MAP4K4: variants seen among roughly 807,000 people sequenced by gnomAD.
MAP4K4 encodes mitogen-activated protein kinase kinase kinase kinase 4, also known as HPK/GCK-like kinase HGK.
In MAP4K4, 38 loss-of-function variants were observed where a neutral mutation model predicts 189.6. The ratio of observed to expected loss-of-function variants is 0.20; its 90% CI spans 0.15 to 0.26. The LOEUF (loss-of-function observed/expected upper bound fraction) is 0.26. MAP4K4 is among the 10% of genes least tolerant of loss of function. MAP4K4 has a pLI of 1.00. For synonymous variants in MAP4K4, 610 were observed against 624.3 expected, an observed-to-expected ratio of 0.98 and a Z score of 0.34; for missense variants, 1,054 against 1,726.9, an observed-to-expected ratio of 0.61 and a Z score of 6.91.
chr2:101,709,773 A>T (rs1196113413), intron 2 of MAP4K4, among the ~76,000 whole-genome samples: 1 of 152,164 alleles, frequency 6.6e-6, no homozygotes, highest in Non-Finnish European at 1.5e-5. Flanking sequence ...GATGTATCCC[A>T]AGTTAAATAA....
chr2:101,865,549 G>A (rs180673357), intron 18 of MAP4K4, among the ~76,000 whole-genome samples: 15 of 152,300 alleles, frequency 9.8e-5, no homozygotes, highest in Non-Finnish European at 1.9e-4. Flanking sequence ...TTTAAGTTTA[G>A]TTAAAATGAA....
At chr2:101,712,622 C>T (rs552001306) in intron 2 of MAP4K4, among the ~76,000 whole-genome samples, 9 of 152,184 alleles carry the variant, frequency 5.9e-5, no homozygotes, top group African/African-American at 2.2e-4. Flanking sequence ...GCCTCAACCT[C>T]CTGAGTAGCT....
At chr2:101,881,505 T>C (rs1473247157) in intron 27 of MAP4K4, among the ~76,000 whole-genome samples, 1 of 152,222 alleles carries the variant, frequency 6.6e-6, no homozygotes, top group African/African-American at 2.4e-5. Flanking sequence ...CCAGTCCTTG[T>C]ACCTTTTATT....
In MAP4K4 at chr2:101,716,284, A is replaced by G. The variant is rs535224265; in HGVS notation, c.123+17746A>G. ...CGGTGAAACGCCGTCTCTACTAAAAATACAAAAAATTAGCCGGGCGTGGTG... is the reference window on the plus strand; with the variant it reads ...CGGTGAAACGCCGTCTCTACTAAAAGTACAAAAAATTAGCCGGGCGTGGTG... On this transcript the variant is annotated intron_variant, in intron 2 of 32. Transcript: ENST00000324219. Among the ~76,000 whole-genome samples, 20 of 152,262 alleles carry G rather than the reference A, an allele frequency of 1.3e-4. No individual in the cohort carries two copies. In the South Asian group the frequency reaches 3.9e-3, roughly 30 times the overall value.
rs146849242 is a variant in MAP4K4, at chr2:101,884,528, C to T, written c.3521-659C>T. 5.3e-3 allele frequency among the ~76,000 whole-genome samples: 808 copies of T among 152,280 alleles called. 7 individuals carry two copies. Among genetic ancestry groups the T allele is most frequent in the South Asian group, 9.1e-3 (44 of 4,830 alleles). The stretch of plus-strand genomic sequence containing the variant: ...AAATCAAGTAGCGGTGTGATGTTAG[C>T]TTGTAAAGAAATCATGGATCTGCAT... On this transcript the variant is annotated intron_variant, in intron 28 of 32. Coordinates refer to ENST00000324219, the Ensembl canonical transcript of MAP4K4.
chr2:101,704,487 C>T (rs1022113882), intron 2 of MAP4K4, among the ~76,000 whole-genome samples: 3 of 144,562 alleles, frequency 2.1e-5, no homozygotes, highest in African/African-American at 7.9e-5. Flanking sequence ...GCAAACTCAA[C>T]TCGTATTTTG....
chr2:101,751,455 T>A lies in MAP4K4; in HGVS notation c.124-39265T>A, dbSNP rs1268077270. ...AATAGCTTAACCCCTGGAGTCTCAA[T>A]GTCTCATCTGTAAAATGGGACTCAG... On this transcript the variant is annotated intron_variant, in intron 2 of 32. Transcript: ENST00000324219. Among the ~76,000 whole-genome samples the A allele has an allele frequency of 2.0e-5, 3 of 152,352 alleles. No individual in the cohort carries two copies. The South Asian group carries it at 6.2e-4, about 32-fold the overall frequency.
chr2:101,779,509 G>A (rs947736039), intron 2 of MAP4K4, among the ~76,000 whole-genome samples: 5 of 152,178 alleles, frequency 3.3e-5, no homozygotes, highest in Non-Finnish European at 7.3e-5. Context: ...TAACACTGAG[G>A]AAAACTCATC....
chr2:101,818,310 A>G (rs1361748792), intron 3 of MAP4K4, among the ~76,000 whole-genome samples: 1 of 152,198 alleles, frequency 6.6e-6, no homozygotes, highest in South Asian at 2.1e-4. Context: ...AGATATTTGT[A>G]TATCTCATTT....
intron 2 of MAP4K4, among the ~76,000 whole-genome samples, chr2:101,723,917 T>C (rs991750976): frequency 1.3e-5 from 2 of 152,164 alleles, no homozygotes; most frequent in African/African-American, 4.8e-5. Flanking sequence ...CAGGGGCTCC[T>C]GGCCACCATT....
intron 2 of MAP4K4, among the ~76,000 whole-genome samples, chr2:101,787,748 A>G (rs2091845026): frequency 6.6e-6 from 1 of 151,774 alleles, no homozygotes; most frequent in African/African-American, 2.4e-5. Context: ...CTTTGCACAA[A>G]GGTGACCCAT....
intron 18 of MAP4K4, 121 bp downstream of exon 18, chr2:101,865,157 T>A (rs1577026024): frequency 1.4e-4 from 85 of 609,972 alleles, no homozygotes. Flanking sequence ...TTATCAGTTA[T>A]AAAAGGAAAA....
At chr2:101,844,806 G>A (rs191436355) in intron 12 of MAP4K4, among the ~76,000 whole-genome samples, 54 of 152,046 alleles carry the variant, frequency 3.6e-4, no homozygotes, top group Non-Finnish European at 6.5e-4. Flanking sequence ...ATGCAGATGA[G>A]GACAAATGGC....
intron 2 of MAP4K4, among the ~76,000 whole-genome samples, chr2:101,710,926 G>C (rs960097589): frequency 6.6e-6 from 1 of 152,170 alleles, no homozygotes; most frequent in Non-Finnish European, 1.5e-5. Flanking sequence ...CCTTGAGCCA[G>C]CTGTCTCTCA....
chr2:101,844,375 A>T (rs1391273694), intron 12 of MAP4K4, 64 bp downstream of exon 12: 5 of 1,325,940 alleles, frequency 3.8e-6, no homozygotes, highest in Non-Finnish European at 5.3e-6. Context: ...ACTGGTAGTT[A>T]GCCACTCAGA....
At chr2:101,803,096 G>A (rs1465491522) in intron 3 of MAP4K4, among the ~76,000 whole-genome samples, 1 of 152,142 alleles carries the variant, frequency 6.6e-6, no homozygotes, top group Non-Finnish European at 1.5e-5. Flanking sequence ...AGTTTTTTTA[G>A]TGATGTTTCA....
chr2:101,756,022 G>A (rs1346997277), intron 2 of MAP4K4, among the ~76,000 whole-genome samples: 3 of 134,264 alleles, frequency 2.2e-5, no homozygotes, highest in Non-Finnish European at 4.6e-5. Flanking sequence ...CTCACTGCAA[G>A]CTCCGCCTCC....
intron 2 of MAP4K4, among the ~76,000 whole-genome samples, chr2:101,757,792 A>G (rs77798668): frequency 1.3e-5 from 2 of 152,152 alleles, no homozygotes; most frequent in Non-Finnish European, 2.9e-5. Context: ...GGCCGAGGCG[A>G]GTGGATCGCT....
At chr2:101,823,453 A>G (rs563361395) in intron 3 of MAP4K4, among the ~76,000 whole-genome samples, 10 of 152,332 alleles carry the variant, frequency 6.6e-5, no homozygotes, top group South Asian at 4.1e-4. Context: ...TGGCTTCACT[A>G]GAGGGTGCTG....
Sources: gnomAD v4.1 joint callset for allele counts (sites outside exome capture counted in the v4.1 genomes callset) on GRCh38, gnomAD v4.1.1 for gene constraint, MANE v1.5 for transcripts, NCBI Gene and HGNC (gene_info 2026-07-23, HGNC 2026-07-21) for gene names.